Variants in SNTB2 observed in about 807,000 individuals in gnomAD.
SNTB2 encodes the protein beta-2-syntrophin.
SNTB2 carries 34 observed loss-of-function variants against 46.2 expected under a neutral mutation model. The ratio of observed to expected loss-of-function variants is 0.74; its 90% CI spans 0.56 to 0.98. SNTB2 has a LOEUF of 0.98. Among genes scored for constraint, SNTB2 ranks in the 50% least tolerant of loss-of-function variants. The probability of loss-of-function intolerance (pLI) is 0.00; values close to 1 mark genes in which losing one functional copy is unlikely to be tolerated. For missense variants in SNTB2, 603 were observed against 731.4 expected (o/e 0.82, Z 2.02); for synonymous variants, 290 against 312.6 (o/e 0.93, Z 0.76).
intron 1 of SNTB2, chr16:69,231,004 A>G (rs1398236476): frequency 1.3e-5 from 2 of 151,642 alleles, no homozygotes; most frequent in African/African-American, 2.4e-5. Flanking sequence ...CGGCCTCCCA[A>G]AGTGCTGGGA....
At chr16:69,293,457 G>C (rs888551284) in intron 5 of SNTB2, among the ~76,000 whole-genome samples, 3 of 152,198 alleles carry the variant, frequency 2.0e-5, no homozygotes, top group Non-Finnish European at 4.4e-5. Context: ...TGGATTTAGC[G>C]ATATGGAGAT....
rs1332865705 is a variant in SNTB2, at chr16:69,307,244, A to C, written c.*6320A>C. The stretch of plus-strand genomic sequence containing the variant: ...AATTCATCACTTCATATTTTTACCA[A>C]AGTATATTTACAAGTCTGTTTATCT... On this transcript the variant is annotated 3_prime_UTR_variant, in exon 7 of 7. Coordinates refer to ENST00000336278, the MANE Select transcript of SNTB2 (RefSeq NM_006750.4). 4 of 152,168 alleles carry C rather than the reference A, an allele frequency of 2.6e-5. No homozygotes were observed. The highest frequency in any genetic ancestry group is 2.6e-4 in the Admixed American group (4 of 15,270). 9.4% of individuals were successfully genotyped at this position (152,168 alleles called of 1,614,324 possible). A position where few individuals can be genotyped will look rare whatever the true frequency, so the allele number is the denominator to read the frequency against.
At chr16:69,246,783 G>T (rs1426637976) in intron 2 of SNTB2, among the ~76,000 whole-genome samples, 3 of 149,052 alleles carry the variant, frequency 2.0e-5, no homozygotes, top group Non-Finnish European at 4.4e-5. Context: ...TCCTGGTTTA[G>T]TCTTGGGAGA....
chr16:69,304,817 C>G lies in SNTB2; in HGVS notation c.*3893C>G, dbSNP rs1484367819. ...TAGCTGGGACCACAGGTGTGTGCCA[C>G]CACACCTGGCTAATTTTTATGGATT... On this transcript the variant is annotated 3_prime_UTR_variant, in exon 7 of 7. Coordinates refer to ENST00000336278, the MANE Select transcript of SNTB2 (RefSeq NM_006750.4). 6.6e-6 allele frequency: 1 copy of G among 151,938 alleles called. No homozygotes were observed. The highest frequency in any genetic ancestry group is 1.9e-4 in the East Asian group (1 of 5,188). The allele number at this position is 151,938 out of a possible 1,614,324, so 9.4% of individuals were successfully genotyped here.
chr16:69,193,359 T>C (rs1974886), intron 1 of SNTB2, among the ~76,000 whole-genome samples: 2,934 of 144,414 alleles, frequency 0.02, 116 homozygotes, highest in African/African-American at 0.073. Flanking sequence ...GACAGTGTCT[T>C]GCTCTGTTGC....
At chr16:69,220,104 G>A (rs1964386285) in intron 1 of SNTB2, among the ~76,000 whole-genome samples, 3 of 149,488 alleles carry the variant, frequency 2.0e-5, no homozygotes, top group African/African-American at 7.4e-5. Flanking sequence ...GCCTCTTGAT[G>A]GTTTTATGTA....
rs1028192753 is a variant in SNTB2, at chr16:69,304,189, C to T, written c.*3265C>T. 1 of 152,164 alleles carries T rather than the reference C, an allele frequency of 6.6e-6. No individual in the cohort carries two copies. Among genetic ancestry groups the T allele is most frequent in the Non-Finnish European group, 1.5e-5 (1 of 68,032 alleles). 9.4% of individuals were successfully genotyped at this position (152,164 alleles called of 1,614,324 possible). ...AAAAAGGTAAGTCCTTTCCTGAAGT[C>T]ATCAAATGAAACATTATCTGGAAAT... On this transcript the variant is annotated 3_prime_UTR_variant, in exon 7 of 7. Coordinates refer to ENST00000336278, the MANE Select transcript of SNTB2 (RefSeq NM_006750.4).
chr16:69,292,390 TTATA>T lies in SNTB2; in HGVS notation c.1346-7186_1346-7183del, dbSNP rs1233537704. ...TATATATATATATATTATATATATATTATATATATATATATATTATATATATATT... is the reference window on the plus strand; with the variant it reads ...TATATATATATATATTATATATATATTATATATATATATTATATATATATT... On this transcript the variant is annotated intron_variant, in intron 5 of 6. Transcript: ENST00000336278. Among the ~76,000 whole-genome samples the T allele has an allele frequency of 2.1e-3, 27 of 12,762 alleles. 3 individuals are homozygous for T. Among genetic ancestry groups the T allele is most frequent in the African/African-American group, 4.3e-3 (8 of 1,856 alleles). 8.4% of individuals were successfully genotyped at this position (12,762 alleles called of 152,430 possible).
At chr16:69,292,360 A>T (rs1336410603) in intron 5 of SNTB2, among the ~76,000 whole-genome samples, 1 of 62,250 alleles carries the variant, frequency 1.6e-5, no homozygotes, top group African/African-American at 1.3e-4. Flanking sequence ...TTTTTTATAT[A>T]TATATATATA....
At chr16:69,266,420 A>C (rs1449511250) in intron 3 of SNTB2, among the ~76,000 whole-genome samples, 1 of 152,074 alleles carries the variant, frequency 6.6e-6, no homozygotes, top group Non-Finnish European at 1.5e-5. Flanking sequence ...AGGCAATCAG[A>C]ATGATTAAAC....
At chr16:69,270,688 TA>T (rs1293201969) in intron 4 of SNTB2, among the ~76,000 whole-genome samples, 1 of 152,218 alleles carries the variant, frequency 6.6e-6, no homozygotes, top group East Asian at 1.9e-4. Flanking sequence ...ATAAACCACT[TA>T]ACTCAGCCAA....
intron 4 of SNTB2, among the ~76,000 whole-genome samples, chr16:69,279,304 A>T (rs367590150): frequency 1.8e-4 from 28 of 152,088 alleles, no homozygotes; most frequent in African/African-American, 6.5e-4. Flanking sequence ...GTGGTAGATT[A>T]TGACAGTATT....
Position 69,301,154 on chromosome 16 carries a change from A to T in SNTB2, c.*230A>T. 2.5e-6 allele frequency: 1 copy of T among 406,382 alleles called. No individual in the cohort carries two copies. The highest frequency in any genetic ancestry group is 5.7e-5 in the South Asian group (1 of 17,438). 25.2% of individuals were successfully genotyped at this position (406,382 alleles called of 1,614,324 possible). On this transcript the variant is annotated 3_prime_UTR_variant, in exon 7 of 7. Coordinates refer to ENST00000336278, the MANE Select transcript of SNTB2 (RefSeq NM_006750.4). ...GGCTCCAAAATGAAGCTGTTGATTT[A>T]TTCTCATTTCAAAATATGGTTTATG... is the stretch of plus-strand genomic sequence containing the variant.
rs1597207695 is a variant in SNTB2, at chr16:69,304,443, T to G, written c.*3519T>G. Reference sequence around the variant, plus strand: ...GGTCTGATAGTGCCTGTTTTTATGTTCTGTACTCTCACAAACTTTGTTACT... The same window carrying G: ...GGTCTGATAGTGCCTGTTTTTATGTGCTGTACTCTCACAAACTTTGTTACT... On this transcript the variant is annotated 3_prime_UTR_variant, in exon 7 of 7. Coordinates refer to ENST00000336278, the MANE Select transcript of SNTB2 (RefSeq NM_006750.4). 6.5e-6 allele frequency: 1 copy of G among 152,776 alleles called. No homozygotes were observed. Among genetic ancestry groups the G allele is most frequent in the South Asian group, 2.1e-4 (1 of 4,832 alleles). The allele number at this position is 152,776 out of a possible 1,614,324, so 9.5% of individuals were successfully genotyped here. A position where few individuals can be genotyped will look rare whatever the true frequency, so the allele number is the denominator to read the frequency against.
At chr16:69,280,958 C>T (rs1474687627) in intron 4 of SNTB2, among the ~76,000 whole-genome samples, 8 of 151,974 alleles carry the variant, frequency 5.3e-5, no homozygotes, top group Non-Finnish European at 1.0e-4. Context: ...CCACCATGCC[C>T]GGCTAATTTT....
intron 3 of SNTB2, among the ~76,000 whole-genome samples, chr16:69,267,270 G>A (rs1964895938): frequency 6.6e-6 from 1 of 152,090 alleles, no homozygotes; most frequent in South Asian, 2.1e-4. Context: ...GCCTGACTTG[G>A]CCTCCCCAAG....
chr16:69,190,815 G>T (rs1964042177), intron 1 of SNTB2, among the ~76,000 whole-genome samples: 1 of 152,148 alleles, frequency 6.6e-6, no homozygotes, highest in African/African-American at 2.4e-5. Context: ...ACTTAATCTT[G>T]CTAAGTAAAC....
At chr16:69,239,710 AATTTTTGTT>A (rs1370531102) in intron 1 of SNTB2, among the ~76,000 whole-genome samples, 9 of 151,870 alleles carry the variant, frequency 5.9e-5, no homozygotes, top group Non-Finnish European at 1.2e-4. Context: ...ATGCCTGGCT[AATTTTTGTT>A]TTTTTAGCAG....
At position 69,220,007 on chromosome 16, in the gene SNTB2, C is replaced by G. The variant is rs1218063515; in HGVS notation, c.581-25595C>G. Among the ~76,000 whole-genome samples, 54 of 152,040 alleles carry G rather than the reference C, an allele frequency of 3.6e-4. 2 individuals carry two copies. Among genetic ancestry groups the G allele is most frequent in the Admixed American group, 3.5e-3 (53 of 15,232 alleles). On this transcript the variant is annotated intron_variant, in intron 1 of 6. Coordinates refer to ENST00000336278, the MANE Select transcript of SNTB2 (RefSeq NM_006750.4). ...CCTCATGATCTGCCTGCCTTGGCCT[C>G]CCAAAGTGCTGGAATTACAGGCATG... is the stretch of plus-strand genomic sequence containing the variant.
Sources: allele counts gnomAD v4.1 joint callset (sites outside exome capture counted in the v4.1 genomes callset), GRCh38; gene constraint gnomAD v4.1.1; transcripts MANE v1.5; gene names NCBI Gene and HGNC (gene_info 2026-07-23, HGNC 2026-07-21).